Variants in WDR25 observed in about 807,000 individuals in gnomAD.
The protein encoded by WDR25 is WD repeat-containing protein 25.
A neutral mutation model predicts 47.7 loss-of-function variants in WDR25; 35 were observed. The ratio of observed to expected loss-of-function variants is 0.73; its 90% CI spans 0.56 to 0.97. The LOEUF is 0.97. Ranked by LOEUF, WDR25 falls within the 50% of genes least tolerant of loss-of-function variation. The probability of loss-of-function intolerance (pLI) is 0.00; values close to 1 mark genes in which losing one functional copy is unlikely to be tolerated. For missense variants in WDR25, 634 were observed against 704.7 expected, an observed-to-expected ratio of 0.90 and a Z score of 1.14; for synonymous variants, 248 against 278.9, an observed-to-expected ratio of 0.89 and a Z score of 1.10.
intron 2 of WDR25, among the ~76,000 whole-genome samples, chr14:100,411,607 G>T (rs1341651203): frequency 6.6e-6 from 1 of 151,450 alleles, no homozygotes; most frequent in African/African-American, 2.4e-5. Context: ...TGCAGTCTTG[G>T]CTCACTGCAA....
intron 2 of WDR25, among the ~76,000 whole-genome samples, chr14:100,402,605 C>G (rs1005292994): frequency 6.6e-6 from 1 of 152,150 alleles, no homozygotes; most frequent in African/African-American, 2.4e-5. Context: ...TTGGTTTCCT[C>G]TCTTGGCAAA....
intron 4 of WDR25, among the ~76,000 whole-genome samples, chr14:100,495,530 A>G (rs1340175405): frequency 6.6e-6 from 1 of 152,210 alleles, no homozygotes; most frequent in Admixed American, 6.5e-5. Flanking sequence ...AGAGTTTTTA[A>G]TCTCTCTGAC....
chr14:100,376,722 G>A, intron 1 of WDR25: 1 of 1,230,390 alleles, frequency 8.1e-7, no homozygotes, highest in Non-Finnish European at 1.0e-6. Flanking sequence ...CTTGTTTGTT[G>A]CTTTCATCGC....
rs568067203 is a variant in WDR25 at position 100,485,030 on chromosome 14, C to T, written c.1101+906C>T. Among the ~76,000 whole-genome samples, 7 of 152,322 alleles carry T rather than the reference C, an allele frequency of 4.6e-5. No homozygotes were observed. The South Asian group carries it at 1.4e-3, about 32-fold the overall frequency. On this transcript the variant is annotated intron_variant, in intron 4 of 6. Transcript: ENST00000402312. Reference sequence around the variant, plus strand: ...CAAGGCCTAAATGATCCTCCTTGGCCTGGGGGTAGGTCAGCATTTCTCATC... The same window carrying T: ...CAAGGCCTAAATGATCCTCCTTGGCTTGGGGGTAGGTCAGCATTTCTCATC...
intron 3 of WDR25, among the ~76,000 whole-genome samples, chr14:100,471,813 G>C (rs1348139151): frequency 1.3e-5 from 2 of 152,202 alleles, no homozygotes. Context: ...AGTTCTGACA[G>C]GTTGTTGGCT....
At position 100,440,576 on chromosome 14, in the gene WDR25, T is replaced by G. The variant is rs952519239; in HGVS notation, c.823-27445T>G. On this transcript the variant is annotated intron_variant, in intron 2 of 6. Transcript: ENST00000402312. This position sits in a 1 kb window ranked among gnomAD's most constrained non-coding sequence, Gnocchi z 4.4. ...ACACTGGGAGAAAAACACAGGCTCC[T>G]GCTTTGTCCATGTGGAAGGAGCCCA... Among the ~76,000 whole-genome samples, 4 of 152,272 alleles carry G rather than the reference T, an allele frequency of 2.6e-5. No homozygotes were observed. The highest frequency in any genetic ancestry group is 9.6e-5 in the African/African-American group (4 of 41,482).
intron 4 of WDR25, among the ~76,000 whole-genome samples, chr14:100,508,704 A>G (rs1235576758): frequency 6.6e-6 from 1 of 151,988 alleles, no homozygotes; most frequent in Non-Finnish European, 1.5e-5. Flanking sequence ...AGGGAAAACA[A>G]TCAGTCTTTT....
At chr14:100,418,458 C>T (rs965701891) in intron 2 of WDR25, among the ~76,000 whole-genome samples, 1 of 151,376 alleles carries the variant, frequency 6.6e-6, no homozygotes, top group African/African-American at 2.4e-5. Context: ...ACGGTGAAAC[C>T]CCTTCTCTAC....
intron 3 of WDR25, among the ~76,000 whole-genome samples, chr14:100,471,978 G>A (rs1044096224): frequency 2.0e-5 from 3 of 152,220 alleles, no homozygotes; most frequent in Admixed American, 1.3e-4. Flanking sequence ...AGGGCCCTGA[G>A]TGTCACCTGT....
intron 2 of WDR25, among the ~76,000 whole-genome samples, chr14:100,459,877 C>CGTGT (rs1899321629): frequency 1.4e-5 from 1 of 70,944 alleles, no homozygotes; most frequent in Admixed American, 1.3e-4. Context: ...TATATATATC[C>CGTGT]GTATATGTGT....
intron 2 of WDR25, among the ~76,000 whole-genome samples, chr14:100,418,355 C>T (rs566115265): frequency 2.8e-4 from 42 of 151,314 alleles, no homozygotes; most frequent in African/African-American, 9.0e-4. Flanking sequence ...AAAATTTGGC[C>T]GGGCACCGTG....
At chr14:100,460,381 G>T (rs1899369593) in intron 2 of WDR25, among the ~76,000 whole-genome samples, 1 of 151,834 alleles carries the variant, frequency 6.6e-6, no homozygotes, top group South Asian at 2.1e-4. Context: ...CAAAGTGCTG[G>T]GATTACAGGT....
At chr14:100,450,384 T>G (rs1013178240) in intron 2 of WDR25, among the ~76,000 whole-genome samples, 1 of 152,214 alleles carries the variant, frequency 6.6e-6, no homozygotes, top group Admixed American at 6.5e-5. Context: ...TATTGTCATC[T>G]CCTAGAGCCA....
At position 100,447,536 on chromosome 14, in the gene WDR25, G is replaced by C. The variant is rs753997855; in HGVS notation, c.823-20485G>C. Among the ~76,000 whole-genome samples, 14 of 152,242 alleles carry C rather than the reference G, an allele frequency of 9.2e-5. No individual in the cohort carries two copies. The South Asian group carries it at 1.2e-3, about 14-fold the overall frequency. ...TGAGGTCACATTTTACTTGTCTTTTGGGAGGGAGGTTGGGGTAATCTGGGG... is the reference window on the plus strand; with the variant it reads ...TGAGGTCACATTTTACTTGTCTTTTCGGAGGGAGGTTGGGGTAATCTGGGG... On this transcript the variant is annotated intron_variant, in intron 2 of 6. Coordinates refer to ENST00000402312, the MANE Select transcript of WDR25 (RefSeq NM_001161476.3).
chr14:100,452,420 T>A (rs1362780163), intron 2 of WDR25, among the ~76,000 whole-genome samples: 1 of 152,138 alleles, frequency 6.6e-6, no homozygotes, highest in Non-Finnish European at 1.5e-5. Context: ...AACATAAAGC[T>A]TTGAAGAAAA....
Position 100,468,299 on chromosome 14 carries a change from G to A in WDR25, c.970+131G>A, listed in dbSNP as rs555395521. ...GGGAGAGGGGCCTCAGGGTGGGCTC[G>A]TGCTCGGTGAGAGGGCTTCCAGACT... On this transcript the variant is annotated intron_variant, in intron 3 of 6. Coordinates refer to ENST00000402312, the MANE Select transcript of WDR25 (RefSeq NM_001161476.3). This position sits in a 1 kb window ranked among gnomAD's most constrained non-coding sequence, Gnocchi z 4.5. The A allele has an allele frequency of 1.5e-5, 21 of 1,362,634 alleles. No individual in the cohort carries two copies. The highest frequency in any genetic ancestry group is 1.1e-4 in the South Asian group (8 of 70,346). The allele number at this position is 1,362,634 out of a possible 1,614,324, so 84.4% of individuals were successfully genotyped here.
Position 100,515,930 on chromosome 14 carries a change from G to A in WDR25, c.1102-9940G>A, listed in dbSNP as rs73351043. Among the ~76,000 whole-genome samples, 373 of 150,884 alleles carry A rather than the reference G, an allele frequency of 2.5e-3. 1 individual carries two copies. Among genetic ancestry groups the A allele is most frequent in the African/African-American group, 8.0e-3 (330 of 41,080 alleles). On this transcript the variant is annotated intron_variant, in intron 4 of 6. Transcript: ENST00000402312. Reference sequence around the variant, plus strand: ...CGGTATTACAGATGTGAGCCACCACGCCCAACCTCTTTTCTATTTATTCTA... The same window carrying A: ...CGGTATTACAGATGTGAGCCACCACACCCAACCTCTTTTCTATTTATTCTA...
rs1366933628 is a variant in WDR25 at position 100,407,740 on chromosome 14, A to G, written c.822+25994A>G. The G allele has an allele frequency of 2.0e-5, 3 of 152,230 alleles. No homozygotes were observed. The highest frequency in any genetic ancestry group is 1.3e-4 in the Admixed American group (2 of 15,284). 9.4% of individuals were successfully genotyped at this position (152,230 alleles called of 1,614,324 possible). ...TAGTTTCACACTTCAGTGCCTAAAC[A>G]GGCCCTGACACCCAGTTTGGCTAGG... is the stretch of plus-strand genomic sequence containing the variant. On this transcript the variant is annotated intron_variant, in intron 2 of 6. Transcript: ENST00000402312. The surrounding 1 kb of genome is among the most constrained non-coding windows in gnomAD (Gnocchi z 4.1).
At position 100,425,158 on chromosome 14, in the gene WDR25, C is replaced by G. The variant is rs966218737; in HGVS notation, c.823-42863C>G. Among the ~76,000 whole-genome samples the G allele has an allele frequency of 1.3e-5, 2 of 152,260 alleles. No individual in the cohort carries two copies. The highest frequency in any genetic ancestry group is 2.4e-5 in the African/African-American group (1 of 41,474). ...CACCTGGGTGTGTCCCTTGCTGGCC[C>G]CATGGCCTGCAGGGCTCAGGATCAA... On this transcript the variant is annotated intron_variant, in intron 2 of 6. Coordinates refer to ENST00000402312, the MANE Select transcript of WDR25 (RefSeq NM_001161476.3). This position sits in a 1 kb window ranked among gnomAD's most constrained non-coding sequence, Gnocchi z 4.8.
Sources: allele counts gnomAD v4.1 joint callset (sites outside exome capture counted in the v4.1 genomes callset), GRCh38; gene constraint gnomAD v4.1.1; non-coding constraint Gnocchi (gnomAD v3.1); transcripts MANE v1.5; gene names NCBI Gene and HGNC (gene_info 2026-07-23, HGNC 2026-07-21).